The following GPC5 variants were observed in gnomAD, a reference collection of about 807,000 sequenced individuals.
GPC5 encodes glypican 5, also known as glypican-5.
In GPC5, 47 loss-of-function variants were observed where a neutral mutation model predicts 53.9. The ratio of observed to expected loss-of-function variants is 0.87; its 90% CI spans 0.69 to 1.11. GPC5 has a LOEUF of 1.11. Ranked by LOEUF, GPC5 falls within the 50% of genes most tolerant of loss-of-function variation. The probability of loss-of-function intolerance (pLI) is 0.00; values close to 1 mark genes in which losing one functional copy is unlikely to be tolerated. For synonymous variants in GPC5, 286 were observed against 263.3 expected (o/e 1.09, Z -0.84); for missense variants, 748 against 713.1 (o/e 1.05, Z -0.56).
chr13:91,756,979 A>T (rs2037308203), intron 5 of GPC5, among the ~76,000 whole-genome samples: 1 of 152,026 alleles, frequency 6.6e-6, no homozygotes, highest in South Asian at 2.1e-4. Flanking sequence ...TGTTTGAGGC[A>T]TTGTTCATTG....
chr13:91,406,002 G>A (rs73612182), intron 1 of GPC5, among the ~76,000 whole-genome samples: 15,807 of 152,072 alleles, frequency 0.1, 2,140 homozygotes, highest in African/African-American at 0.31. Flanking sequence ...GAACTCCTGG[G>A]CTCAAGCAGT....
chr13:92,843,283 A>C (rs1374715218), intron 7 of GPC5, among the ~76,000 whole-genome samples: 1 of 152,172 alleles, frequency 6.6e-6, no homozygotes, highest in Non-Finnish European at 1.5e-5. Context: ...AGTAAATGCT[A>C]AACAATCCCT....
rs2042867557 is a variant in GPC5 at position 92,275,281 on chromosome 13, A to G, written c.1561+130292A>G. The stretch of plus-strand genomic sequence containing the variant: ...TATTTTTTCTAATATTTTGAAATCT[A>G]CATTACAAATGCAACATGGATCCAG... On this transcript the variant is annotated intron_variant, in intron 7 of 7. Coordinates refer to ENST00000377067, the MANE Select transcript of GPC5 (RefSeq NM_004466.6). Among the ~76,000 whole-genome samples, 3 of 152,288 alleles carry G rather than the reference A, an allele frequency of 2.0e-5. No individual in the cohort carries two copies. The East Asian group carries it at 5.8e-4, about 29-fold the overall frequency.
intron 6 of GPC5, among the ~76,000 whole-genome samples, chr13:91,948,582 A>T (rs1427042724): frequency 6.6e-6 from 1 of 152,190 alleles, no homozygotes; most frequent in Non-Finnish European, 1.5e-5. Context: ...TTTGTTAAAC[A>T]TAGGTCACTT....
chr13:92,777,328 T>C (rs2138756815), intron 7 of GPC5, among the ~76,000 whole-genome samples: 1 of 92,920 alleles, frequency 1.1e-5, no homozygotes, highest in African/African-American at 4.3e-5. Flanking sequence ...AGAGGGAGAC[T>C]CCATCTCAAA....
At chr13:91,528,047 A>T (rs1886167772) in intron 2 of GPC5, among the ~76,000 whole-genome samples, 1 of 152,182 alleles carries the variant, frequency 6.6e-6, no homozygotes, top group Non-Finnish European at 1.5e-5. Context: ...AAGTTCCCTG[A>T]AGACAATTGT....
Position 92,153,193 on chromosome 13 carries a change from C to T in GPC5, c.1561+8204C>T, listed in dbSNP as rs770201957. Reference sequence around the variant, plus strand: ...TGTCACCTAGGCTGGAGTGCAGTGGCGCAATCTCAGCTCACTGCAACTTCC... The same window carrying T: ...TGTCACCTAGGCTGGAGTGCAGTGGTGCAATCTCAGCTCACTGCAACTTCC... On this transcript the variant is annotated intron_variant, in intron 7 of 7. Transcript: ENST00000377067. Among the ~76,000 whole-genome samples the T allele has an allele frequency of 1.4e-4, 22 of 152,158 alleles. 1 individual carries two copies. The highest frequency in any genetic ancestry group is 6.8e-3 in the Middle Eastern group (2 of 294).
Position 92,682,331 on chromosome 13 carries a change from T to G in GPC5, c.1562-183951T>G, listed in dbSNP as rs567911300. Reference sequence around the variant, plus strand: ...TTTTGCCTATTGCTACTTTGAAGAGTATGTGTTTATGACTTTATAGATTAA... The same window carrying G: ...TTTTGCCTATTGCTACTTTGAAGAGGATGTGTTTATGACTTTATAGATTAA... On this transcript the variant is annotated intron_variant, in intron 7 of 7. Coordinates refer to ENST00000377067, the MANE Select transcript of GPC5 (RefSeq NM_004466.6). Among the ~76,000 whole-genome samples, 12 of 152,268 alleles carry G rather than the reference T, an allele frequency of 7.9e-5. No homozygotes were observed. The South Asian group carries it at 2.5e-3, about 32-fold the overall frequency.
intron 7 of GPC5, among the ~76,000 whole-genome samples, chr13:92,362,356 A>G (rs1239965510): frequency 1.3e-5 from 2 of 151,810 alleles, no homozygotes; most frequent in East Asian, 1.9e-4. Flanking sequence ...AAATTTATGG[A>G]AACATTATAA....
intron 7 of GPC5, among the ~76,000 whole-genome samples, chr13:92,294,423 C>T (rs965329302): frequency 6.6e-5 from 10 of 152,072 alleles, no homozygotes; most frequent in Admixed American, 5.9e-4. Context: ...CTGATTTAAG[C>T]TAGGAGGGTT....
At chr13:92,653,912 T>C (rs1886040751) in intron 7 of GPC5, among the ~76,000 whole-genome samples, 1 of 152,130 alleles carries the variant, frequency 6.6e-6, no homozygotes, top group Non-Finnish European at 1.5e-5. Context: ...CTCAGTGAAG[T>C]ATGAGAACTG....
chr13:91,948,244 T>A (rs1456531995), intron 6 of GPC5, among the ~76,000 whole-genome samples: 1 of 136,678 alleles, frequency 7.3e-6, no homozygotes, highest in African/African-American at 2.7e-5. Flanking sequence ...AAAAAAAAAA[T>A]AAATAATAAT....
intron 7 of GPC5, among the ~76,000 whole-genome samples, chr13:92,561,987 T>G (rs1274238986): frequency 6.6e-6 from 1 of 152,084 alleles, no homozygotes; most frequent in Non-Finnish European, 1.5e-5. Flanking sequence ...TTTCTTTATA[T>G]GACTATAAAC....
chr13:92,027,140 G>A (rs1220606472), intron 6 of GPC5, among the ~76,000 whole-genome samples: 1 of 152,084 alleles, frequency 6.6e-6, no homozygotes, highest in Non-Finnish European at 1.5e-5. Context: ...CATATCTGGT[G>A]TTTTATCTCC....
At chr13:91,480,982 G>T (rs974488218) in intron 2 of GPC5, among the ~76,000 whole-genome samples, 11 of 151,242 alleles carry the variant, frequency 7.3e-5, no homozygotes, top group South Asian at 4.2e-4. Flanking sequence ...AAAACTTCCA[G>T]ATAAATAGAA....
intron 7 of GPC5, among the ~76,000 whole-genome samples, chr13:92,264,617 C>T (rs1224471382): frequency 6.6e-6 from 1 of 151,684 alleles, no homozygotes; most frequent in Non-Finnish European, 1.5e-5. Flanking sequence ...AGACCCTCCA[C>T]TAGTAACAAT....
intron 3 of GPC5, among the ~76,000 whole-genome samples, chr13:91,709,516 G>T (rs1231198735): frequency 6.6e-6 from 1 of 152,058 alleles, no homozygotes; most frequent in Admixed American, 6.6e-5. Context: ...ATCCTCCCAA[G>T]CACCTTTATC....
chr13:92,837,544 G>A (rs1878259454), intron 7 of GPC5, among the ~76,000 whole-genome samples: 1 of 152,176 alleles, frequency 6.6e-6, no homozygotes, highest in Non-Finnish European at 1.5e-5. Flanking sequence ...ATATGCCACT[G>A]TGGGGAAAGA....
chr13:92,770,055 A>G (rs999508610), intron 7 of GPC5, among the ~76,000 whole-genome samples: 3 of 152,054 alleles, frequency 2.0e-5, no homozygotes, highest in Non-Finnish European at 4.4e-5. Context: ...ATTTTCCCCT[A>G]TAGTCAGCAC....
Sources: gnomAD v4.1 joint callset for allele counts (sites outside exome capture counted in the v4.1 genomes callset) on GRCh38, gnomAD v4.1.1 for gene constraint, MANE v1.5 for transcripts, NCBI Gene and HGNC (gene_info 2026-07-23, HGNC 2026-07-21) for gene names.